The following COL22A1 variants were observed in gnomAD, a reference collection of about 807,000 sequenced individuals.
COL22A1 encodes the protein collagen type XXII alpha 1 chain, also known as collagen alpha-1(XXII) chain.
COL22A1 carries 221 observed loss-of-function variants against 248.9 expected under a neutral mutation model. That is an observed-to-expected ratio of 0.89 (90% CI 0.80 to 0.99). The LOEUF is 0.99. COL22A1 is among the 50% of genes least tolerant of loss of function. The pLI is 0.00. For synonymous variants in COL22A1, 891 were observed against 793.4 expected (o/e 1.12, Z -2.07); for missense variants, 2,240 against 2,179.0 (o/e 1.03, Z -0.56).
intron 17 of COL22A1, among the ~76,000 whole-genome samples, chr8:138,761,798 A>C (rs1434229517): frequency 6.6e-6 from 1 of 152,220 alleles, no homozygotes. Flanking sequence ...ACTGAAGTGC[A>C]TAAACATTTA....
chr8:138,839,661 A>G (rs1477341623), intron 4 of COL22A1, among the ~76,000 whole-genome samples: 2 of 152,070 alleles, frequency 1.3e-5, no homozygotes, highest in Non-Finnish European at 2.9e-5. Flanking sequence ...AAGCAGTTGA[A>G]TTGGAGGGCG....
In COL22A1 at chr8:138,867,791, G is replaced by A. The variant is rs537308663; in HGVS notation, c.658+9959C>T. Among the ~76,000 whole-genome samples, 22 of 152,228 alleles carry A rather than the reference G, an allele frequency of 1.4e-4. No homozygotes were observed. The South Asian group carries it at 2.5e-3, about 17-fold the overall frequency. On this transcript the variant is annotated intron_variant, in intron 3 of 64. Coordinates refer to ENST00000303045, the MANE Select transcript of COL22A1 (RefSeq NM_152888.3). ...GTTTGTTTATTTATTTATTTGAGAC[G>A]AAGTCCTACTCTGTCGCCAGACTGG...
At chr8:138,649,186 C>T (rs1822471338) in intron 46 of COL22A1, among the ~76,000 whole-genome samples, 1 of 152,164 alleles carries the variant, frequency 6.6e-6, no homozygotes, top group Non-Finnish European at 1.5e-5. Flanking sequence ...TTCTGAACTT[C>T]CCCATTGTCT....
intron 16 of COL22A1, among the ~76,000 whole-genome samples, chr8:138,773,791 G>A (rs58099005): frequency 0.063 from 9,638 of 152,264 alleles, 421 homozygotes; most frequent in African/African-American, 0.12. Context: ...GCACCCTCAG[G>A]TGACAGCCAG....
intron 64 of COL22A1, 76 bp from the exon 65 acceptor site, chr8:138,589,516 T>C (rs1369841047): frequency 4.9e-6 from 6 of 1,214,608 alleles, no homozygotes; most frequent in Non-Finnish European, 6.7e-6. Context: ...ACTCACAGCT[T>C]CCATTCACTA....
intron 41 of COL22A1, among the ~76,000 whole-genome samples, chr8:138,672,827 G>A (rs866196104): frequency 5.9e-5 from 9 of 152,162 alleles, no homozygotes; most frequent in Non-Finnish European, 7.3e-5. Context: ...CTGAGGGCCC[G>A]AGTAGGAAGG....
At chr8:138,757,936 T>G (rs1180195248) in intron 18 of COL22A1, among the ~76,000 whole-genome samples, 1 of 152,160 alleles carries the variant, frequency 6.6e-6, no homozygotes, top group African/African-American at 2.4e-5. Flanking sequence ...TGTGGGGACC[T>G]CCCACACCAT....
chr8:138,715,772 C>A lies in COL22A1; in HGVS notation c.2464-37G>T, dbSNP rs548521683. Reference sequence around the variant, plus strand: ...GATAAAATTAGAAAACATTAGAACCCAAACCGAGCTGAATTCCTGCCTCTT... The same window carrying A: ...GATAAAATTAGAAAACATTAGAACCAAAACCGAGCTGAATTCCTGCCTCTT... On this transcript the variant is annotated intron_variant, in intron 29 of 64. Coordinates refer to ENST00000303045, the MANE Select transcript of COL22A1 (RefSeq NM_152888.3). 2.6e-5 allele frequency: 39 copies of A among 1,484,426 alleles called. No homozygotes were observed. The Admixed American group carries it at 5.4e-4, about 21-fold the overall frequency. 92.0% of individuals were successfully genotyped at this position (1,484,426 alleles called of 1,614,324 possible). A position where few individuals can be genotyped will look rare whatever the true frequency, so the allele number is the denominator to read the frequency against.
At chr8:138,654,280 A>T (rs755407280) in intron 45 of COL22A1, among the ~76,000 whole-genome samples, 1 of 152,168 alleles carries the variant, frequency 6.6e-6, no homozygotes, top group African/African-American at 2.4e-5. Flanking sequence ...AGAAGATTGA[A>T]TCAATAGGTA....
chr8:138,795,028 A>G (rs1220763793), intron 12 of COL22A1, among the ~76,000 whole-genome samples: 2 of 152,078 alleles, frequency 1.3e-5, no homozygotes, highest in Non-Finnish European at 2.9e-5. Context: ...TGCACACTTA[A>G]AAGTTTGTTA....
At chr8:138,612,893 G>A (rs1433332802) in intron 56 of COL22A1, among the ~76,000 whole-genome samples, 4 of 124,312 alleles carry the variant, frequency 3.2e-5, no homozygotes, top group Admixed American at 1.1e-4. Flanking sequence ...CCAAGATCAC[G>A]CCACTGCACT....
intron 37 of COL22A1, 27 bp downstream of exon 37, chr8:138,688,890 T>A (rs770070699): frequency 1.1e-5 from 17 of 1,599,176 alleles, no homozygotes; most frequent in Non-Finnish European, 1.5e-5. Flanking sequence ...TATTCACTTG[T>A]GTGCTGAGAG....
At chr8:138,882,402 TCA>T (rs1298888034) in intron 2 of COL22A1, among the ~76,000 whole-genome samples, 3 of 88,606 alleles carry the variant, frequency 3.4e-5, no homozygotes, top group Non-Finnish European at 5.6e-5. Context: ...TACCTCAAAC[TCA>T]CACATATTCT....
intron 41 of COL22A1, among the ~76,000 whole-genome samples, chr8:138,673,825 G>C (rs974014535): frequency 2.0e-5 from 3 of 152,104 alleles, no homozygotes; most frequent in African/African-American, 7.2e-5. Flanking sequence ...AGCTACAGGT[G>C]AATGATTGGC....
intron 12 of COL22A1, 71 bp downstream of exon 12, chr8:138,796,748 A>T: frequency 9.6e-7 from 1 of 1,037,120 alleles, no homozygotes; most frequent in Non-Finnish European, 1.5e-6. Context: ...TAACAGTAGC[A>T]CACACCTCCC....
chr8:138,826,687 G>T lies in COL22A1; in HGVS notation c.940C>A (p.Gln314Lys). 1 of 1,613,842 alleles carries T rather than the reference G, an allele frequency of 6.2e-7. No individual in the cohort carries two copies. The highest frequency in any genetic ancestry group is 8.5e-7 in the Non-Finnish European group (1 of 1,179,784). ...TSRKEDWYIWQVIDQYSIPQV... is the reference protein window; with the variant it reads ...TSRKEDWYIWKVIDQYSIPQV... ...GGGATGCTGTACTGGTCGATGACCT[G>T]CCAGATATACCAGTCTTCCTTCCGA... The change falls in exon 6 of 65, where the codon CAG (glutamine) becomes AAG (lysine). Residue 314 changes from glutamine to lysine, a missense_variant. Coordinates refer to ENST00000303045, the MANE Select transcript of COL22A1 (RefSeq NM_152888.3).
chr8:138,648,743 CAAG>C (rs1443597943), intron 46 of COL22A1, among the ~76,000 whole-genome samples: 2 of 152,082 alleles, frequency 1.3e-5, no homozygotes, highest in East Asian at 3.9e-4. Context: ...CATAAAGATG[CAAG>C]AAGTTTATTT....
intron 30 of COL22A1, among the ~76,000 whole-genome samples, chr8:138,706,550 C>T (rs1355026448): frequency 6.6e-6 from 1 of 152,114 alleles, no homozygotes; most frequent in Non-Finnish European, 1.5e-5. Flanking sequence ...GGCTACATAA[C>T]AAAATGAAGG....
intron 52 of COL22A1, among the ~76,000 whole-genome samples, chr8:138,619,774 T>C (rs552921165): frequency 3.0e-4 from 45 of 152,322 alleles, no homozygotes; most frequent in African/African-American, 1.0e-3. Flanking sequence ...CCCCTTTCAC[T>C]ATCAGAAGCA....
Sources: allele counts gnomAD v4.1 joint callset (sites outside exome capture counted in the v4.1 genomes callset), GRCh38; gene constraint gnomAD v4.1.1; transcripts MANE v1.5; gene names NCBI Gene and HGNC (gene_info 2026-07-23, HGNC 2026-07-21).